ATP9B: variants seen among roughly 807,000 people sequenced by gnomAD.
ATP9B encodes probable phospholipid-transporting ATPase IIB.
A neutral mutation model predicts 146.1 loss-of-function variants in ATP9B; 110 were observed. That is an observed-to-expected ratio of 0.75 (90% CI 0.65 to 0.88). The LOEUF (loss-of-function observed/expected upper bound fraction) is 0.88, where lower values mean the gene tolerates loss of function less well. Among genes scored for constraint, ATP9B ranks in the 40% least tolerant of loss-of-function variants. The pLI is 0.00. For synonymous variants in ATP9B, 604 were observed against 569.7 expected (o/e 1.06, Z -0.86); for missense variants, 1,499 against 1,496.4 (o/e 1.00, Z -0.03).
At chr18:79,301,845 TCTA>T (rs1161334567) in intron 13 of ATP9B, among the ~76,000 whole-genome samples, 1 of 152,214 alleles carries the variant, frequency 6.6e-6, no homozygotes, top group East Asian at 1.9e-4. Flanking sequence ...TATTCACTCT[TCTA>T]AGAGCATTTA....
chr18:79,110,299 G>C, intron 2 of ATP9B, 56 bp from the exon 3 acceptor site: 1 of 1,462,668 alleles, frequency 6.8e-7, no homozygotes, highest in Non-Finnish European at 9.1e-7. Context: ...CAATTAGTTT[G>C]AACTTTTTTA....
intron 11 of ATP9B, among the ~76,000 whole-genome samples, chr18:79,215,241 G>T (rs2095616833): frequency 6.6e-6 from 1 of 151,104 alleles, no homozygotes; most frequent in African/African-American, 2.4e-5. Context: ...TCAAAAATTA[G>T]TAACATATCA....
intron 10 of ATP9B, among the ~76,000 whole-genome samples, chr18:79,208,754 T>C (rs543081597): frequency 9.9e-5 from 15 of 151,258 alleles, no homozygotes; most frequent in Non-Finnish European, 2.1e-4. Context: ...TGTGTGTGTG[T>C]ATATATATAT....
chr18:79,256,820 G>A (rs1369072386), intron 12 of ATP9B, among the ~76,000 whole-genome samples: 1 of 152,076 alleles, frequency 6.6e-6, no homozygotes, highest in African/African-American at 2.4e-5. Flanking sequence ...CAGCCTTCTT[G>A]GCATTACTGC....
chr18:79,114,676 A>C (rs2094034091), intron 4 of ATP9B, among the ~76,000 whole-genome samples: 1 of 152,204 alleles, frequency 6.6e-6, no homozygotes, highest in Non-Finnish European at 1.5e-5. Context: ...TAGATAAATG[A>C]ATACATTTTT....
chr18:79,130,744 G>A (rs532192763), intron 5 of ATP9B, among the ~76,000 whole-genome samples: 2 of 152,202 alleles, frequency 1.3e-5, no homozygotes, highest in South Asian at 2.1e-4. Context: ...GGAACCCTCC[G>A]TAGGATTTAT....
At chr18:79,289,173 T>C (rs1457347137) in intron 13 of ATP9B, among the ~76,000 whole-genome samples, 3 of 152,244 alleles carry the variant, frequency 2.0e-5, no homozygotes, top group Non-Finnish European at 4.4e-5. Context: ...CCTTGCTAGA[T>C]TGGGGAGGTT....
At chr18:79,355,920 G>T (rs760125156) in intron 25 of ATP9B, among the ~76,000 whole-genome samples, 10 of 152,178 alleles carry the variant, frequency 6.6e-5, no homozygotes, top group Non-Finnish European at 1.0e-4. Context: ...CAGGCAGAGG[G>T]ACTCAAGTGC....
intron 12 of ATP9B, among the ~76,000 whole-genome samples, chr18:79,260,451 C>A (rs1340902938): frequency 6.6e-6 from 1 of 152,138 alleles, no homozygotes; most frequent in African/African-American, 2.4e-5. Context: ...AGAGCCAGAC[C>A]ATTTCAGGGG....
At chr18:79,242,019 G>C (rs1352604965) in intron 11 of ATP9B, among the ~76,000 whole-genome samples, 1 of 152,252 alleles carries the variant, frequency 6.6e-6, no homozygotes, top group Admixed American at 6.5e-5. Context: ...GTGTGCAGGA[G>C]AGGGAGCACC....
chr18:79,227,561 T>G (rs1055979111), intron 11 of ATP9B, among the ~76,000 whole-genome samples: 1 of 152,112 alleles, frequency 6.6e-6, no homozygotes, highest in Non-Finnish European at 1.5e-5. Context: ...TTTCTTCTAG[T>G]TTTTTGTTTC....
chr18:79,291,930 G>A (rs570563722), intron 13 of ATP9B, among the ~76,000 whole-genome samples: 1 of 152,260 alleles, frequency 6.6e-6, no homozygotes, highest in South Asian at 2.1e-4. Flanking sequence ...GGCAGCCCCT[G>A]GTTACTTTCT....
At chr18:79,326,089 C>T in intron 15 of ATP9B, among the ~76,000 whole-genome samples, 1 of 59,504 alleles carries the variant, frequency 1.7e-5, no homozygotes, top group Non-Finnish European at 3.2e-5. Context: ...CCTCTGTACC[C>T]TCCCTCCCCT....
intron 15 of ATP9B, among the ~76,000 whole-genome samples, chr18:79,316,751 G>A (rs1275338871): frequency 6.6e-6 from 1 of 152,046 alleles, no homozygotes; most frequent in Non-Finnish European, 1.5e-5. Flanking sequence ...GTAAGAAGAA[G>A]AACAAAACCA....
chr18:79,212,015 T>TGCCCTCTCATGTCTCATTTCGCAA (rs1289959474), intron 10 of ATP9B, among the ~76,000 whole-genome samples: 2 of 152,240 alleles, frequency 1.3e-5, no homozygotes, highest in Non-Finnish European at 2.9e-5. Context: ...CATACTTTGT[T>TGCCCTCTCATGTCTCATTTCGCAA]GCCCTCTCAT....
At chr18:79,160,048 A>G (rs950207889) in intron 7 of ATP9B, among the ~76,000 whole-genome samples, 2 of 152,056 alleles carry the variant, frequency 1.3e-5, no homozygotes, top group Admixed American at 6.5e-5. Context: ...TACATCTGCA[A>G]TTTTGCTGTT....
At chr18:79,328,277 C>T (rs1255128380) in intron 15 of ATP9B, among the ~76,000 whole-genome samples, 1 of 152,174 alleles carries the variant, frequency 6.6e-6, no homozygotes, top group Non-Finnish European at 1.5e-5. Flanking sequence ...TGATTAATGT[C>T]TGGTAGGGAG....
Position 79,247,426 on chromosome 18 carries a change from T to C in ATP9B, c.1108-5955T>C, listed in dbSNP as rs890459521. 2.6e-5 allele frequency among the ~76,000 whole-genome samples: 4 copies of C among 152,208 alleles called. No individual in the cohort carries two copies. In the East Asian group the frequency reaches 7.7e-4, roughly 29 times the overall value. ...AAATGCTAGAGCCAGTATTGACATT[T>C]CTCAAGCGATCTAGGAGTCCAGCAG... On this transcript the variant is annotated intron_variant, in intron 11 of 29. Transcript: ENST00000426216.
At chr18:79,200,733 C>T (rs745486207) in intron 9 of ATP9B, among the ~76,000 whole-genome samples, 33 of 150,634 alleles carry the variant, frequency 2.2e-4, no homozygotes, top group Non-Finnish European at 2.8e-4. Flanking sequence ...TGGGGACTGT[C>T]GGGGTCAGAG....
Sources: allele counts gnomAD v4.1 joint callset (sites outside exome capture counted in the v4.1 genomes callset), GRCh38; gene constraint gnomAD v4.1.1; transcripts MANE v1.5; gene names NCBI Gene and HGNC (gene_info 2026-07-23, HGNC 2026-07-21).